Variants in KCP observed in about 807,000 individuals in gnomAD.
The protein encoded by KCP is kielin cysteine rich BMP regulator.
KCP carries 194 observed loss-of-function variants against 212.7 expected under a neutral mutation model. The observed-to-expected ratio is 0.91, with a 90% confidence interval of 0.81 to 1.03. KCP has a LOEUF of 1.03. Ranked by LOEUF, KCP falls within the 50% of genes least tolerant of loss-of-function variation. KCP has a pLI of 0.00. For synonymous variants in KCP, 833 were observed against 865.3 expected, an observed-to-expected ratio of 0.96 and a Z score of 0.65; for missense variants, 2,080 against 2,162.5, an observed-to-expected ratio of 0.96 and a Z score of 0.76.
chr7:128,892,246 A>C (rs1360059356), intron 16 of KCP, among the ~76,000 whole-genome samples: 1 of 44,572 alleles, frequency 2.2e-5, no homozygotes, highest in Non-Finnish European at 5.1e-5. Flanking sequence ...TGGGGGCCCT[A>C]GCGTGGTGGG....
rs754343518 is a variant in KCP, at chr7:128,892,502, G to A, written c.1621+12C>T. 2 of 1,505,444 alleles carry A rather than the reference G, an allele frequency of 1.3e-6. No individual in the cohort carries two copies. Among genetic ancestry groups the A allele is most frequent in the African/African-American group, 2.8e-5 (2 of 72,324 alleles). 93.3% of individuals were successfully genotyped at this position (1,505,444 alleles called of 1,614,324 possible). A position where few individuals can be genotyped will look rare whatever the true frequency, so the allele number is the denominator to read the frequency against. ...GCCCTGATCCCCTCAGGCCCAGTGA[G>A]TGCCCACATACCTGGGCACCTGGGG... is the stretch of plus-strand genomic sequence containing the variant. On this transcript the variant is annotated intron_variant, in intron 16 of 39. Coordinates refer to ENST00000610776, the MANE Select transcript of KCP (RefSeq NM_001366122.1).
rs567097789 is a variant in KCP at position 128,908,165 on chromosome 7, G to C, written c.219+261C>G. On this transcript the variant is annotated intron_variant, in intron 2 of 39. Coordinates refer to ENST00000610776, the MANE Select transcript of KCP (RefSeq NM_001366122.1). ...AAAGAAAGAGAGAGAGAGAAAGAGAGAAGAAGGATGGAAGGAAGGAAGGAA... is the reference window on the plus strand; with the variant it reads ...AAAGAAAGAGAGAGAGAGAAAGAGACAAGAAGGATGGAAGGAAGGAAGGAA... Among the ~76,000 whole-genome samples, 646 of 130,496 alleles carry C rather than the reference G, an allele frequency of 5.0e-3. 17 individuals are homozygous for C. Among genetic ancestry groups the C allele is most frequent in the Non-Finnish European group, 8.5e-3 (527 of 62,088 alleles). 85.6% of individuals were successfully genotyped at this position (130,496 alleles called of 152,430 possible).
rs1793687188 is a variant in KCP at position 128,886,926 on chromosome 7, G to A, written c.2639C>T (p.Ala880Val). Residue 880 changes from alanine to valine, a missense_variant, in exon 24 of 40, where the codon GCT becomes GTT. Physicochemically the swap from Ala to Val is moderately conservative, Grantham distance 64 (BLOSUM62 0). Transcript: ENST00000610776. ...MRCQKKPCPP[A>V]LCPHPSPGPC... is the part of the protein sequence containing the mutation. ...GCCTGGAGAGGGGTGGGGGCAGAGA[G>A]CTGGGGGACATGGCTTCTTCTGGCA... is the stretch of plus-strand genomic sequence containing the variant. 1 of 1,531,860 alleles carries A rather than the reference G, an allele frequency of 6.5e-7. No homozygotes were observed. Among genetic ancestry groups the A allele is most frequent in the Non-Finnish European group, 8.8e-7 (1 of 1,136,588 alleles). The allele number at this position is 1,531,860 out of a possible 1,614,324, so 94.9% of individuals were successfully genotyped here. A position where few individuals can be genotyped will look rare whatever the true frequency, so the allele number is the denominator to read the frequency against.
intron 28 of KCP, 109 bp from the exon 29 acceptor site, chr7:128,884,231 A>G (rs1033854752): frequency 7.3e-7 from 1 of 1,372,764 alleles, no homozygotes; most frequent in Non-Finnish European, 9.7e-7. Flanking sequence ...CTTCCGGGAC[A>G]TGTCTTGGGC....
chr7:128,909,424 C>A (rs1311686030), intron 1 of KCP, among the ~76,000 whole-genome samples: 1 of 152,142 alleles, frequency 6.6e-6, no homozygotes, highest in Admixed American at 6.5e-5. Flanking sequence ...AACAATGTCA[C>A]CCACTGTCAC....
chr7:128,889,036 CA>C lies in KCP; in HGVS notation c.2338del (p.Cys780ValfsTer9). On this transcript the variant is annotated frameshift_variant and splice_region_variant, in exon 22 of 40. Transcript: ENST00000610776. LOFTEE classifies it high-confidence loss of function. ...RGDCCPDCDGCEYLGESYLSN... is the reference protein window; with the variant it reads ...RGDCCPDCDGXEYLGESYLSN... Reference sequence around the variant, plus strand: ...CAGGTAGGACTCCCCCAGGTACTCACAGCCTTTCAGAGAAGAGACAGAGAGG... The same window carrying C: ...CAGGTAGGACTCCCCCAGGTACTCACGCCTTTCAGAGAAGAGACAGAGAGG... 2 of 1,496,370 alleles carry C rather than the reference CA, an allele frequency of 1.3e-6. No homozygotes were observed. Among genetic ancestry groups the C allele is most frequent in the Non-Finnish European group, 1.8e-6 (2 of 1,118,336 alleles). The allele number at this position is 1,496,370 out of a possible 1,614,324, so 92.7% of individuals were successfully genotyped here. A position where few individuals can be genotyped will look rare whatever the true frequency, so the allele number is the denominator to read the frequency against.
chr7:128,908,304 A>C (rs1164567163), intron 2 of KCP, 122 bp downstream of exon 2: 1 of 709,524 alleles, frequency 1.4e-6, no homozygotes, highest in Admixed American at 4.1e-5. Context: ...GAAAGAAAGA[A>C]AGGGAATTGT....
Position 128,885,226 on chromosome 7 carries a change from C to G in KCP, c.2911G>C (p.Val971Leu), listed in dbSNP as rs1297005574. Reference sequence around the variant, plus strand: ...GAGGAGCAGGCACTGTCGGGGGGCACCCATCTACTGCCTTCGGGGTGCTCT... The same window carrying G: ...GAGGAGCAGGCACTGTCGGGGGGCAGCCATCTACTGCCTTCGGGGTGCTCT... Reference protein sequence around the residue: ...GEEHPEGSRWVPPDSACSSCV... With the variant: ...GEEHPEGSRWLPPDSACSSCV... The change falls in exon 27 of 40, where the codon GTG becomes CTG. Residue 971 changes from valine to leucine, a missense_variant. By Grantham distance (32) the Val-to-Leu change is conservative. Transcript: ENST00000610776. The G allele has an allele frequency of 1.9e-6, 3 of 1,550,528 alleles. No homozygotes were observed.
intron 28 of KCP, among the ~76,000 whole-genome samples, 160 bp from the exon 29 acceptor site, chr7:128,884,282 C>T (rs1425557747): frequency 6.6e-6 from 1 of 152,244 alleles, no homozygotes; most frequent in Non-Finnish European, 1.5e-5. Context: ...GTCTTCTAGA[C>T]GTGCTCCTCA....
chr7:128,883,544 G>A (rs866569068), intron 29 of KCP, among the ~76,000 whole-genome samples: 19 of 152,202 alleles, frequency 1.2e-4, no homozygotes, highest in African/African-American at 2.4e-4. Context: ...CACAACAAAT[G>A]TAAAATGGCT....
rs1382958279 is a variant in KCP, at chr7:128,891,574, C to T, written c.1796-41G>A. 4 of 1,533,482 alleles carry T rather than the reference C, an allele frequency of 2.6e-6. No individual in the cohort carries two copies. The African/African-American group carries it at 4.1e-5, about 16-fold the overall frequency. 95.0% of individuals were successfully genotyped at this position (1,533,482 alleles called of 1,614,324 possible). ...GCTATAGCCTGGGAGAGGGCGACTGCCCCAGGGCGTGCTGCCTTCCGGGGG... is the reference window on the plus strand; with the variant it reads ...GCTATAGCCTGGGAGAGGGCGACTGTCCCAGGGCGTGCTGCCTTCCGGGGG... On this transcript the variant is annotated intron_variant, in intron 17 of 39. Coordinates refer to ENST00000610776, the MANE Select transcript of KCP (RefSeq NM_001366122.1).
intron 23 of KCP, 40 bp downstream of exon 23, chr7:128,887,175 G>A: frequency 5.3e-6 from 8 of 1,512,106 alleles, no homozygotes; most frequent in Non-Finnish European, 7.2e-6. Flanking sequence ...GGAGTATCAA[G>A]GGAGGAAAGG....
At chr7:128,884,173 C>T in intron 28 of KCP, 51 bp from the exon 29 acceptor site, 1 of 1,503,262 alleles carries the variant, frequency 6.7e-7, no homozygotes, top group South Asian at 1.3e-5. Context: ...AAACCCAGAG[C>T]TGCCCTTGGC....
intron 8 of KCP, 118 bp downstream of exon 8, chr7:128,902,659 T>A: frequency 1.1e-6 from 1 of 912,274 alleles, no homozygotes; most frequent in Non-Finnish European, 1.7e-6. Context: ...AGCGCCTAGG[T>A]CTTCTCCACT....
chr7:128,903,660 C>G, intron 7 of KCP, 67 bp downstream of exon 7: 1 of 1,343,172 alleles, frequency 7.4e-7, no homozygotes, highest in Non-Finnish European at 1.0e-6. Context: ...AAGGTGGGCT[C>G]TGGAATTCAA....
At chr7:128,890,763 A>C (rs1475949445) in intron 20 of KCP, 142 bp downstream of exon 20, 1 of 869,516 alleles carries the variant, frequency 1.2e-6, no homozygotes, top group Non-Finnish European at 1.7e-6. Context: ...CTCCCAGGCC[A>C]TGCTGACCGG....
intron 33 of KCP, 29 bp from the exon 34 acceptor site, chr7:128,880,557 C>T: frequency 7.2e-7 from 1 of 1,390,310 alleles, no homozygotes; most frequent in Non-Finnish European, 9.4e-7. Flanking sequence ...GGAGGGTCAG[C>T]TGCTCCTCCC....
At chr7:128,883,791 A>G (rs1376574129) in intron 29 of KCP, among the ~76,000 whole-genome samples, 1 of 152,188 alleles carries the variant, frequency 6.6e-6, no homozygotes, top group Non-Finnish European at 1.5e-5. Context: ...AAGATGCTCC[A>G]CAAACTGCAC....
chr7:128,884,212 C>T (rs1357300535), intron 28 of KCP, 90 bp from the exon 29 acceptor site: 2 of 1,446,102 alleles, frequency 1.4e-6, no homozygotes, highest in African/African-American at 2.9e-5. Context: ...CCTCTGCCTG[C>T]TGCAGCCTCT....
Sources: gnomAD v4.1 joint callset for allele counts (sites outside exome capture counted in the v4.1 genomes callset) on GRCh38, gnomAD v4.1.1 for gene constraint, MANE v1.5 for transcripts, NCBI Gene and HGNC (gene_info 2026-07-23, HGNC 2026-07-21) for gene names.